The following CSMD1 variants were observed in gnomAD, a reference collection of about 807,000 sequenced individuals.
CSMD1 encodes the protein CUB and sushi domain-containing protein 1.
Under a neutral mutation model 417.5 loss-of-function variants are expected in CSMD1, and 213 were observed. The observed-to-expected ratio is 0.51, with a 90% CI of 0.46 to 0.57. The LOEUF (loss-of-function observed/expected upper bound fraction) is 0.57, where lower values mean the gene tolerates loss of function less well. CSMD1 is among the 20% of genes least tolerant of loss of function. The probability of loss-of-function intolerance (pLI) is 0.00; values close to 1 mark genes in which losing one functional copy is unlikely to be tolerated. For missense variants in CSMD1, 6,923 were observed against 4,529.7 expected, an observed-to-expected ratio of 1.53 and a Z score of -15.17; for synonymous variants, 2,862 against 1,736.8, an observed-to-expected ratio of 1.65 and a Z score of -16.11.
intron 25 of CSMD1, among the ~76,000 whole-genome samples, chr8:3,304,996 ACTCAAATCTAGCATTT>A (rs1804714623): frequency 6.6e-6 from 1 of 152,166 alleles, no homozygotes. Context: ...TTTTTACATT[ACTCAAATCTAGCATTT>A]GTGAATTCAA....
intron 2 of CSMD1, among the ~76,000 whole-genome samples, chr8:4,504,095 T>A (rs111812864): frequency 5.3e-5 from 8 of 152,210 alleles, no homozygotes; most frequent in African/African-American, 1.4e-4. Context: ...GTCCACTGAT[T>A]GATGGATAAA....
rs556300495 is a variant in CSMD1, at chr8:3,968,496, C to T, written c.818+29407G>A. Among the ~76,000 whole-genome samples the T allele has an allele frequency of 1.8e-3, 280 of 152,128 alleles. 2 individuals are homozygous for T. Among genetic ancestry groups the T allele is most frequent in the African/African-American group, 6.6e-3 (273 of 41,508 alleles). ...TTTAGTTAAGTACATCTTCCGGATT[C>T]AAAATACTTAATAAAGCAACATACT... On this transcript the variant is annotated intron_variant, in intron 5 of 69. Transcript: ENST00000635120.
rs770972656 is a variant in CSMD1, at chr8:3,759,738, AC to A, written c.819-5697del. On this transcript the variant is annotated intron_variant, in intron 5 of 69. Transcript: ENST00000635120. ...GTGAAACACCACCTCTACTAAAAAT[AC>A]CAAAAAAAAAAAAAAAAAATTAGCC... Among the ~76,000 whole-genome samples the A allele has an allele frequency of 1.1e-4, 14 of 129,392 alleles. No individual in the cohort carries two copies. The East Asian group carries it at 2.2e-3, about 20-fold the overall frequency. 84.9% of individuals were successfully genotyped at this position (129,392 alleles called of 152,430 possible).
At chr8:4,739,904 C>T (rs1235814008) in intron 1 of CSMD1, among the ~76,000 whole-genome samples, 1 of 152,146 alleles carries the variant, frequency 6.6e-6, no homozygotes, top group Non-Finnish European at 1.5e-5. Context: ...GCCGTTTCTC[C>T]ACCCTCCCTT....
chr8:3,696,529 T>C lies in CSMD1; in HGVS notation c.1009+11885A>G, dbSNP rs567634697. ...GAAATGCTAAAGCAAATCAATATAA[T>C]CATTTGGTGTAATTAAATGATCTAA... On this transcript the variant is annotated intron_variant, in intron 7 of 69. Coordinates refer to ENST00000635120, the MANE Select transcript of CSMD1 (RefSeq NM_033225.6). 4.6e-5 allele frequency among the ~76,000 whole-genome samples: 7 copies of C among 152,320 alleles called. No homozygotes were observed. In the East Asian group the frequency reaches 7.7e-4, roughly 17 times the overall value.
chr8:4,539,204 A>T (rs1470095500), intron 2 of CSMD1, among the ~76,000 whole-genome samples: 1 of 152,152 alleles, frequency 6.6e-6, no homozygotes, highest in Admixed American at 6.5e-5. Flanking sequence ...ACTGTATTTG[A>T]GGTTTGCCAC....
At chr8:4,094,410 G>A (rs987259554) in intron 3 of CSMD1, among the ~76,000 whole-genome samples, 2 of 152,226 alleles carry the variant, frequency 1.3e-5, no homozygotes, top group South Asian at 2.1e-4. Flanking sequence ...TGTTGGCAAG[G>A]CAGGGCGGTC....
At chr8:3,943,534 T>G (rs1433735784) in intron 5 of CSMD1, among the ~76,000 whole-genome samples, 1 of 151,398 alleles carries the variant, frequency 6.6e-6, no homozygotes, top group Non-Finnish European at 1.5e-5. Flanking sequence ...GTACAGAGAT[T>G]CAAAGAATCT....
intron 1 of CSMD1, among the ~76,000 whole-genome samples, chr8:4,952,427 GT>G (rs1161007191): frequency 6.6e-6 from 1 of 152,022 alleles, no homozygotes; most frequent in Non-Finnish European, 1.5e-5. Context: ...GTCTATATTA[GT>G]GAGTCATACT....
intron 1 of CSMD1, among the ~76,000 whole-genome samples, chr8:4,734,111 A>C (rs1036621313): frequency 6.6e-6 from 1 of 152,148 alleles, no homozygotes; most frequent in Non-Finnish European, 1.5e-5. Flanking sequence ...AAAAGAGTTT[A>C]TTTTTATCAA....
At chr8:4,290,274 G>T (rs1228283680) in intron 3 of CSMD1, among the ~76,000 whole-genome samples, 2 of 152,146 alleles carry the variant, frequency 1.3e-5, no homozygotes, top group Non-Finnish European at 2.9e-5. Flanking sequence ...TAGAAGAAAA[G>T]CATGGTTTTC....
intron 5 of CSMD1, among the ~76,000 whole-genome samples, chr8:3,809,235 TAA>T (rs968101905): frequency 2.0e-5 from 3 of 152,162 alleles, no homozygotes; most frequent in Admixed American, 6.5e-5. Context: ...TCACTTCATC[TAA>T]AAAGACTTCT....
chr8:4,835,347 T>G (rs1444265526), intron 1 of CSMD1, among the ~76,000 whole-genome samples: 1 of 152,066 alleles, frequency 6.6e-6, no homozygotes, highest in African/African-American at 2.4e-5. Context: ...TGCAAAGAGG[T>G]AATATTCCAG....
chr8:4,949,952 A>G (rs552610071), intron 1 of CSMD1, among the ~76,000 whole-genome samples: 1 of 152,242 alleles, frequency 6.6e-6, no homozygotes, highest in South Asian at 2.1e-4. Context: ...CATTGCAAGA[A>G]TATTTTAAAC....
intron 5 of CSMD1, among the ~76,000 whole-genome samples, chr8:3,954,943 G>C (rs910890945): frequency 3.9e-5 from 6 of 152,196 alleles, no homozygotes; most frequent in African/African-American, 1.2e-4. Flanking sequence ...TGCACAGAAA[G>C]TTGTTTCTCC....
intron 11 of CSMD1, among the ~76,000 whole-genome samples, chr8:3,483,600 G>T (rs1035387224): frequency 6.6e-6 from 1 of 151,882 alleles, no homozygotes; most frequent in Non-Finnish European, 1.5e-5. Context: ...AATAACAAAA[G>T]AGAAAATATT....
At chr8:3,624,698 G>A (rs1249209784) in intron 7 of CSMD1, among the ~76,000 whole-genome samples, 3 of 152,148 alleles carry the variant, frequency 2.0e-5, no homozygotes, top group African/African-American at 7.2e-5. Context: ...AGCTTTGTTT[G>A]AGTGACAGCC....
chr8:2,941,915 G>A (rs141316285), intron 69 of CSMD1, among the ~76,000 whole-genome samples: 1 of 152,128 alleles, frequency 6.6e-6, no homozygotes, highest in Admixed American at 6.5e-5. Flanking sequence ...TGAATGTAGA[G>A]ATAGAATCCT....
chr8:4,642,005 T>G (rs1419225693), intron 1 of CSMD1, among the ~76,000 whole-genome samples: 1 of 152,182 alleles, frequency 6.6e-6, no homozygotes, highest in African/African-American at 2.4e-5. Flanking sequence ...GTGAACAATT[T>G]GGATTTGGAT....
Sources: gnomAD v4.1 joint callset for allele counts (sites outside exome capture counted in the v4.1 genomes callset) on GRCh38, gnomAD v4.1.1 for gene constraint, MANE v1.5 for transcripts, NCBI Gene and HGNC (gene_info 2026-07-23, HGNC 2026-07-21) for gene names.